The following GNA14 variants were observed in gnomAD, a reference collection of about 807,000 sequenced individuals.
The protein encoded by GNA14 is guanine nucleotide-binding protein subunit alpha-14.
Under a neutral mutation model 42.0 loss-of-function variants are expected in GNA14, and 50 were observed. The ratio of observed to expected loss-of-function variants is 1.19; its 90% confidence interval spans 0.95 to 1.51. The LOEUF (loss-of-function observed/expected upper bound fraction) is 1.51. GNA14 is among the 40% of genes most tolerant of loss of function. GNA14 has a pLI of 0.00. For missense variants in GNA14, 473 were observed against 446.2 expected (o/e 1.06, Z -0.54); for synonymous variants, 173 against 163.1 (o/e 1.06, Z -0.46).
chr9:77,486,780 A>G (rs1030731935), intron 2 of GNA14, among the ~76,000 whole-genome samples: 1 of 152,116 alleles, frequency 6.6e-6, no homozygotes, highest in African/African-American at 2.4e-5. Flanking sequence ...ATATATACAC[A>G]ATGTTTATTG....
chr9:77,504,548 A>G (rs1266355513), intron 2 of GNA14, among the ~76,000 whole-genome samples: 4 of 145,036 alleles, frequency 2.8e-5, no homozygotes, highest in African/African-American at 5.1e-5. Context: ...AAAAAAAAAA[A>G]AGAGAGAGAG....
chr9:77,644,962 A>T (rs1824330976), intron 1 of GNA14, among the ~76,000 whole-genome samples: 1 of 152,166 alleles, frequency 6.6e-6, no homozygotes, highest in East Asian at 1.9e-4. Flanking sequence ...ACTAAATTCA[A>T]CCATCTCCTT....
At chr9:77,622,166 T>C (rs1823936433) in intron 1 of GNA14, among the ~76,000 whole-genome samples, 1 of 152,214 alleles carries the variant, frequency 6.6e-6, no homozygotes, top group East Asian at 1.9e-4. Flanking sequence ...ACTGATGAGT[T>C]TGAATACAGA....
At chr9:77,508,464 A>G (rs922536799) in intron 2 of GNA14, among the ~76,000 whole-genome samples, 1 of 152,238 alleles carries the variant, frequency 6.6e-6, no homozygotes, top group African/African-American at 2.4e-5. Context: ...ACGACTGATT[A>G]AAATGTCTGC....
At chr9:77,528,855 A>G (rs1467114466) in intron 2 of GNA14, among the ~76,000 whole-genome samples, 1 of 152,112 alleles carries the variant, frequency 6.6e-6, no homozygotes, top group Non-Finnish European at 1.5e-5. Flanking sequence ...ATCCCTGCAC[A>G]CTGGGTAGCC....
At chr9:77,545,956 T>C (rs984453381) in intron 1 of GNA14, among the ~76,000 whole-genome samples, 1 of 152,064 alleles carries the variant, frequency 6.6e-6, no homozygotes, top group Admixed American at 6.5e-5. Flanking sequence ...AATTTAAGAA[T>C]TATCTAACAC....
chr9:77,498,868 G>A (rs1326740749), intron 2 of GNA14, among the ~76,000 whole-genome samples: 3 of 152,154 alleles, frequency 2.0e-5, no homozygotes, highest in African/African-American at 7.2e-5. Flanking sequence ...CAGGCAGTGG[G>A]TGTCTGCCTC....
chr9:77,453,577 T>A (rs1835950408), intron 2 of GNA14, among the ~76,000 whole-genome samples: 1 of 152,212 alleles, frequency 6.6e-6, no homozygotes, highest in African/African-American at 2.4e-5. Context: ...AATGTGTAAC[T>A]ATGCGCACCA....
At chr9:77,484,596 T>C (rs1049904213) in intron 2 of GNA14, among the ~76,000 whole-genome samples, 26 of 152,192 alleles carry the variant, frequency 1.7e-4, no homozygotes, top group African/African-American at 5.1e-4. Context: ...GGCAGGGGAC[T>C]GCTCTTTTTC....
In GNA14 at chr9:77,434,625, C is replaced by T. The variant is rs567729283; in HGVS notation, c.310-103G>A. ...CCCTGGTCTGTGGATTTGGAGAGCT[C>T]TCACTAGGCATGGGGCGTGGTGGGC... On this transcript the variant is annotated intron_variant, in intron 2 of 6. Transcript: ENST00000341700. 1.3e-4 allele frequency: 130 copies of T among 1,016,974 alleles called. 1 individual carries two copies. In the African/African-American group the frequency reaches 1.8e-3, roughly 14 times the overall value. The allele number at this position is 1,016,974 out of a possible 1,614,324, so 63.0% of individuals were successfully genotyped here. A position where few individuals can be genotyped will look rare whatever the true frequency, so the allele number is the denominator to read the frequency against.
At chr9:77,580,686 T>G in intron 1 of GNA14, 1 of 261,196 alleles carries the variant, frequency 3.8e-6, no homozygotes, top group Non-Finnish European at 8.2e-6. Context: ...CCAATACTAT[T>G]CGTACTCCTC....
intron 2 of GNA14, among the ~76,000 whole-genome samples, chr9:77,518,736 A>G (rs752413747): frequency 3.3e-5 from 5 of 152,220 alleles, no homozygotes; most frequent in Non-Finnish European, 7.3e-5. Context: ...CTTATCTTTA[A>G]TGAATTGTGT....
At chr9:77,601,040 G>A (rs1180387813) in intron 1 of GNA14, among the ~76,000 whole-genome samples, 1 of 152,252 alleles carries the variant, frequency 6.6e-6, no homozygotes, top group Non-Finnish European at 1.5e-5. Context: ...AAAAGAAGGT[G>A]GAGCTACGGG....
intron 1 of GNA14, among the ~76,000 whole-genome samples, chr9:77,624,529 G>A (rs1463765185): frequency 6.6e-6 from 1 of 152,098 alleles, no homozygotes; most frequent in East Asian, 1.9e-4. Context: ...AGCTCCAGCT[G>A]GCATCTAGCA....
At chr9:77,480,546 G>A (rs1836525067) in intron 2 of GNA14, among the ~76,000 whole-genome samples, 1 of 152,176 alleles carries the variant, frequency 6.6e-6, no homozygotes. Context: ...TTGGTATCAG[G>A]ATGATGCTGG....
chr9:77,458,816 A>G (rs1836052954), intron 2 of GNA14, among the ~76,000 whole-genome samples: 1 of 150,250 alleles, frequency 6.7e-6, no homozygotes, highest in African/African-American at 2.5e-5. Context: ...GGGCCCATTT[A>G]TTCCTGAACA....
At chr9:77,477,178 G>A (rs1397548401) in intron 2 of GNA14, among the ~76,000 whole-genome samples, 2 of 152,052 alleles carry the variant, frequency 1.3e-5, no homozygotes, top group Non-Finnish European at 2.9e-5. Flanking sequence ...GCAACATGGC[G>A]AAACCCTGTC....
At chr9:77,484,269 A>C (rs1587791569) in intron 2 of GNA14, among the ~76,000 whole-genome samples, 2 of 152,352 alleles carry the variant, frequency 1.3e-5, no homozygotes, top group Middle Eastern at 6.8e-3. Flanking sequence ...TTATAAATAC[A>C]GTTTGTCTTA....
At chr9:77,627,815 C>T (rs978804634) in intron 1 of GNA14, among the ~76,000 whole-genome samples, 1 of 152,128 alleles carries the variant, frequency 6.6e-6, no homozygotes, top group Non-Finnish European at 1.5e-5. Context: ...TGGAAGCATT[C>T]CTTTTGAAAA....
Sources: gnomAD v4.1 joint callset for allele counts (sites outside exome capture counted in the v4.1 genomes callset) on GRCh38, gnomAD v4.1.1 for gene constraint, MANE v1.5 for transcripts, NCBI Gene and HGNC (gene_info 2026-07-23, HGNC 2026-07-21) for gene names.